The following COL4A5 variants were observed in gnomAD, a reference collection of about 807,000 sequenced individuals.
COL4A5 encodes collagen type IV alpha 5 chain, also known as collagen alpha-5(IV) chain.
Under a neutral mutation model 130.2 loss-of-function variants are expected in COL4A5, and 26 were observed. That is an observed-to-expected ratio of 0.20 (90% CI 0.15 to 0.28). COL4A5 has a LOEUF of 0.28. COL4A5 is among the 10% of genes least tolerant of loss of function. COL4A5 has a pLI of 1.00. For synonymous variants in COL4A5, 496 were observed against 439.6 expected (o/e 1.13, Z -1.60); for missense variants, 1,131 against 1,344.3 (o/e 0.84, Z 2.48).
rs745494056 is a variant in COL4A5, at chrX:108,620,415, C to G, written c.2666C>G (p.Ser889Cys). Residue 889 changes from serine (S) to cysteine (C), a missense_variant, in exon 31 of 53, where the codon TCT becomes TGT. By Grantham distance (112) the Ser-to-Cys change is moderately radical. Coordinates refer to ENST00000328300, the MANE Select transcript of COL4A5 (RefSeq NM_033380.3). The part of the protein sequence containing the change: ...SPGLPGKAGA[S>C]GFPGTKGEMG... ...GGGCTTCCAGGAAAAGCAGGTGCCT[C>G]TGGATTTCCAGGTAATTTGTTTAAA... 19 of 1,206,477 alleles carry G rather than the reference C, an allele frequency of 1.6e-5. No homozygotes were observed. The highest frequency in any genetic ancestry group is 1.8e-5 in the Non-Finnish European group (16 of 893,040).
intron 52 of COL4A5, 131 bp downstream of exon 52, chrX:108,695,570 CT>C: frequency 4.2e-6 from 3 of 707,818 alleles, no homozygotes; most frequent in Non-Finnish European, 6.5e-6. Context: ...TTTATTCTTG[CT>C]TGTTCTTCTC....
intron 30 of COL4A5, among the ~76,000 whole-genome samples, chrX:108,615,898 A>G (rs2066917499): frequency 8.9e-6 from 1 of 112,556 alleles, no homozygotes; most frequent in Non-Finnish European, 1.9e-5. Context: ...AGCAATGGCT[A>G]TATGTTTCCT....
intron 1 of COL4A5, among the ~76,000 whole-genome samples, chrX:108,492,237 G>A (rs1226189085): frequency 9.0e-6 from 1 of 111,581 alleles, no homozygotes; most frequent in Non-Finnish European, 1.9e-5. Flanking sequence ...CAAAGACTGG[G>A]AATTTATTGT....
intron 1 of COL4A5, among the ~76,000 whole-genome samples, chrX:108,443,242 G>A (rs1011413389): frequency 2.7e-5 from 3 of 112,058 alleles, no homozygotes; most frequent in Admixed American, 9.5e-5. Context: ...TCTAGAGTGA[G>A]ATTATTTAAA....
intron 1 of COL4A5, among the ~76,000 whole-genome samples, chrX:108,535,679 A>G (rs2065446742): frequency 9.0e-6 from 1 of 111,305 alleles, no homozygotes; most frequent in Non-Finnish European, 1.9e-5. Flanking sequence ...CCTTATAGTA[A>G]AAGAAATTAT....
At chrX:108,595,403 A>C in intron 21 of COL4A5, 106 bp from the exon 22 acceptor site, 1 of 664,269 alleles carries the variant, frequency 1.5e-6, no homozygotes. Flanking sequence ...CAATCACACC[A>C]TTAAGTGGAA....
At chrX:108,547,965 G>C (rs1338786441) in intron 2 of COL4A5, among the ~76,000 whole-genome samples, 1 of 112,064 alleles carries the variant, frequency 8.9e-6, no homozygotes, top group Non-Finnish European at 1.9e-5. Context: ...GAAAAGTGCA[G>C]TATTAGGGTG....
intron 43 of COL4A5, among the ~76,000 whole-genome samples, chrX:108,677,254 G>GTTATT (rs2068321600): frequency 8.9e-6 from 1 of 112,008 alleles, no homozygotes; most frequent in Non-Finnish European, 1.9e-5. Context: ...TTCTTTAGAT[G>GTTATT]TTATTTTATT....
At chrX:108,618,844 A>G (rs1473027572) in intron 30 of COL4A5, among the ~76,000 whole-genome samples, 2 of 109,840 alleles carry the variant, frequency 1.8e-5, no homozygotes, top group African/African-American at 3.3e-5. Flanking sequence ...CTTCCTCAAA[A>G]GCCATATCTT....
intron 2 of COL4A5, among the ~76,000 whole-genome samples, chrX:108,558,019 C>T (rs2147719061): frequency 9.4e-6 from 1 of 106,846 alleles, no homozygotes; most frequent in East Asian, 3.0e-4. Flanking sequence ...TGGTGTGCTG[C>T]ACCCATTAAC....
At chrX:108,518,018 C>T (rs905753716) in intron 1 of COL4A5, among the ~76,000 whole-genome samples, 1 of 110,977 alleles carries the variant, frequency 9.0e-6, no homozygotes, top group Admixed American at 9.6e-5. Context: ...AGAGCCAACA[C>T]TATATAAAAT....
intron 1 of COL4A5, among the ~76,000 whole-genome samples, chrX:108,451,279 A>C (rs1260320136): frequency 1.7e-4 from 19 of 110,052 alleles, no homozygotes; most frequent in African/African-American, 6.0e-4. Flanking sequence ...AGTCTTTGCT[A>C]TTGTGAATAG....
intron 19 of COL4A5, among the ~76,000 whole-genome samples, chrX:108,587,546 A>G (rs1049733344): frequency 8.9e-6 from 1 of 112,012 alleles, no homozygotes; most frequent in Non-Finnish European, 1.9e-5. Context: ...TTGATTTCAT[A>G]TCTTGGCTAT....
At position 108,597,860 on chromosome X, in the gene COL4A5, C is replaced by T. The variant is rs1347077375; in HGVS notation, c.1779+292C>T. ...TGTTTATGAGACAGTATAAGGTTCC[C>T]CATCTCTTAACCCCCACATATCTTT... is the stretch of plus-strand genomic sequence containing the variant. On this transcript the variant is annotated intron_variant, in intron 24 of 52. Transcript: ENST00000328300. 5.4e-5 allele frequency among the ~76,000 whole-genome samples: 6 copies of T among 111,208 alleles called. No homozygotes were observed. In the South Asian group the frequency reaches 2.3e-3, roughly 43 times the overall value.
chrX:108,614,828 T>C (rs2066896543), intron 29 of COL4A5, 83 bp from the exon 30 acceptor site: 1 of 672,934 alleles, frequency 1.5e-6, no homozygotes, highest in African/African-American at 2.1e-5. Context: ...TTTTTCAAGA[T>C]TCTTGCTTAA....
chrX:108,615,937 A>G (rs1434959656), intron 30 of COL4A5, among the ~76,000 whole-genome samples: 1 of 112,252 alleles, frequency 8.9e-6, no homozygotes, highest in Non-Finnish European at 1.9e-5. Flanking sequence ...ATATTTTGTT[A>G]TTATTCTAAA....
chrX:108,661,218 C>G (rs1216096803), intron 37 of COL4A5, among the ~76,000 whole-genome samples: 1 of 111,744 alleles, frequency 8.9e-6, no homozygotes, highest in African/African-American at 3.3e-5. Context: ...AACTGTATTT[C>G]TTCTGTCGTA....
At chrX:108,606,466 G>A (rs2066729067) in intron 28 of COL4A5, among the ~76,000 whole-genome samples, 1 of 109,945 alleles carries the variant, frequency 9.1e-6, no homozygotes, top group Admixed American at 9.6e-5. Flanking sequence ...TTCCCTACAA[G>A]GGTAGTCTGT....
At chrX:108,475,734 T>C (rs1381306113) in intron 1 of COL4A5, among the ~76,000 whole-genome samples, 1 of 111,245 alleles carries the variant, frequency 9.0e-6, no homozygotes, top group East Asian at 2.8e-4. Context: ...CATGTTTTAC[T>C]AACTCTGGCA....
Sources: gnomAD v4.1 joint callset for allele counts (sites outside exome capture counted in the v4.1 genomes callset) on GRCh38, gnomAD v4.1.1 for gene constraint, MANE v1.5 for transcripts, NCBI Gene and HGNC (gene_info 2026-07-23, HGNC 2026-07-21) for gene names.